Variants in ITGA10 observed in about 807,000 individuals in gnomAD.
The protein encoded by ITGA10 is integrin subunit alpha 10.
A neutral mutation model predicts 145.2 loss-of-function variants in ITGA10; 105 were observed. That is an observed-to-expected ratio of 0.72 (90% CI 0.62 to 0.85). The LOEUF (loss-of-function observed/expected upper bound fraction) is 0.85. Among genes scored for constraint, ITGA10 ranks in the 40% least tolerant of loss-of-function variants. ITGA10 has a pLI of 0.00. For synonymous variants in ITGA10, 506 were observed against 557.8 expected, an observed-to-expected ratio of 0.91 and a Z score of 1.31; for missense variants, 1,317 against 1,444.5, an observed-to-expected ratio of 0.91 and a Z score of 1.43.
At chr1:145,909,413 AAATAAT>A (rs772071305) in intron 1 of ITGA10, among the ~76,000 whole-genome samples, 5 of 139,934 alleles carry the variant, frequency 3.6e-5, no homozygotes, top group Admixed American at 2.1e-4. Context: ...TATCTTTAAA[AAATAAT>A]AATAATTATT....
Position 145,901,477 on chromosome 1 carries a change from T to C in ITGA10, c.1443+39A>G. 6.5e-7 allele frequency: 1 copy of C among 1,533,770 alleles called. No homozygotes were observed. The stretch of plus-strand genomic sequence containing the variant: ...TCCTCCCCAACAGCCCAGAGGTCCC[T>C]GGGAATCCAAAGGTCCCACCCTTCC... On this transcript the variant is annotated intron_variant, in intron 12 of 29. Coordinates refer to ENST00000369304, the MANE Select transcript of ITGA10 (RefSeq NM_003637.5). This position sits in a 1 kb window ranked among gnomAD's most constrained non-coding sequence, Gnocchi z 4.3.
intron 1 of ITGA10, among the ~76,000 whole-genome samples, chr1:145,909,538 AATT>A (rs1559218278): frequency 7.4e-6 from 1 of 134,960 alleles, no homozygotes; most frequent in Non-Finnish European, 1.5e-5. Flanking sequence ...TATAATATAT[AATT>A]ATGTTATATA....
rs922029572 is a variant in ITGA10, at chr1:145,909,968, A to C, written c.47T>G (p.Leu16Arg). ...AAGAAGTTAACTTCCCTCACCTGTC[A>C]GGAACACCAGGGGCAAGAACAGGTG... ...VTHLFLPLVF[L>R]TGLCSPFNLD... The change falls in exon 1 of 30, where the codon CTG becomes CGG. Residue 16 changes from leucine to arginine, a missense_variant. Physicochemically the swap from Leu to Arg is moderately radical, Grantham distance 102. Coordinates refer to ENST00000369304, the MANE Select transcript of ITGA10 (RefSeq NM_003637.5). 1 of 1,613,288 alleles carries C rather than the reference A, an allele frequency of 6.2e-7. No individual in the cohort carries two copies. The highest frequency in any genetic ancestry group is 8.5e-7 in the Non-Finnish European group (1 of 1,179,402).
chr1:145,903,943 C>G, intron 7 of ITGA10, 109 bp downstream of exon 7: 1 of 1,280,488 alleles, frequency 7.8e-7, no homozygotes, highest in South Asian at 1.3e-5. Flanking sequence ...CCTGCCTTGC[C>G]TCCCAAAGTG....
chr1:145,898,590 G>A (rs1311911116), intron 17 of ITGA10, among the ~76,000 whole-genome samples: 6 of 151,944 alleles, frequency 3.9e-5, no homozygotes, highest in Non-Finnish European at 7.4e-5. Context: ...GGATGGTCTC[G>A]ATCTCCTGAC....
intron 5 of ITGA10, chr1:145,906,178 C>T: frequency 4.2e-6 from 2 of 473,020 alleles, no homozygotes; most frequent in East Asian, 4.0e-5. Context: ...ATCTGCCCAC[C>T]TTGGCCTCCC....
rs1657209069 is a variant in ITGA10 at position 145,906,839 on chromosome 1, G to A, written c.275-15C>T. On this transcript the variant is annotated splice_polypyrimidine_tract_variant and intron_variant, in intron 3 of 29. Transcript: ENST00000369304. ...TTGGTAGTCACCTGGTTGGAAGGAG[G>A]TGGAAGAGAATGAGATCATGGGGTC... 6.3e-7 allele frequency: 1 copy of A among 1,581,714 alleles called. No individual in the cohort carries two copies. The highest frequency in any genetic ancestry group is 1.1e-5 in the South Asian group (1 of 90,102).
In ITGA10 at chr1:145,901,915, T is replaced by A. The variant is rs782753794; in HGVS notation, c.1256A>T (p.Glu419Val). ...ATGGTTCTGCAATGCAGGGGGGAAC[T>A]CGTCTTCCAGTGCCATTCGTGGGGG... is the stretch of plus-strand genomic sequence containing the variant. ...LFPPRMALEDEFPPALQNHAA... is the reference protein window; with the variant it reads ...LFPPRMALEDVFPPALQNHAA... The change falls in exon 11 of 30, where the codon GAG becomes GTG. Residue 419 changes from glutamate to valine, a missense_variant. Coordinates refer to ENST00000369304, the MANE Select transcript of ITGA10 (RefSeq NM_003637.5). The surrounding 1 kb of genome is among the most constrained non-coding windows in gnomAD (Gnocchi z 4.3). 5.0e-6 allele frequency: 8 copies of A among 1,614,136 alleles called. 1 individual carries two copies. In the Admixed American group the frequency reaches 1.0e-4, roughly 20 times the overall value.
rs1252042367 is a variant in ITGA10, at chr1:145,900,773, A to G, written c.1791+17T>C. The stretch of plus-strand genomic sequence containing the variant: ...CTTCCTACAACCGTGCCCCTGCTTT[A>G]TTTGGGTACTCCTGACCTGGGCAGG... On this transcript the variant is annotated intron_variant, in intron 14 of 29. Transcript: ENST00000369304. 3.7e-6 allele frequency: 6 copies of G among 1,612,974 alleles called. No homozygotes were observed. The African/African-American group carries it at 5.3e-5, about 14-fold the overall frequency.
rs1553748590 is a variant in ITGA10, at chr1:145,901,610, C to T, written c.1349G>A (p.Gly450Glu). ...LRGGRRLFLS[G>E]APRFRHRGKV... The stretch of plus-strand genomic sequence containing the variant: ...TCCTCGATGTCTAAATCGAGGAGCC[C>T]CAGAGAGAAACAGGCGGCGTCCACC... Residue 450 changes from glycine to glutamate, a missense_variant, in exon 12 of 30, where the codon GGG becomes GAG. By Grantham distance (98) the Gly-to-Glu change is moderately conservative (BLOSUM62 -2). Coordinates refer to ENST00000369304, the MANE Select transcript of ITGA10 (RefSeq NM_003637.5). This position sits in a 1 kb window ranked among gnomAD's most constrained non-coding sequence, Gnocchi z 4.3. The T allele has an allele frequency of 3.7e-6, 6 of 1,602,718 alleles. No homozygotes were observed. In the South Asian group the frequency reaches 5.6e-5, roughly 15 times the overall value.
Position 145,893,281 on chromosome 1 carries a change from GGACAGAA to G in ITGA10, c.3325-14_3325-8del. The G allele has an allele frequency of 1.3e-6, 2 of 1,593,808 alleles. No homozygotes were observed. Among genetic ancestry groups the G allele is most frequent in the Non-Finnish European group, 1.7e-6 (2 of 1,161,682 alleles). On this transcript the variant is annotated splice_polypyrimidine_tract_variant and splice_region_variant and intron_variant, in intron 28 of 29. Transcript: ENST00000369304. ...GAACCACCTCCAAGAGGCTCTGCGT[GGACAGAA>G]GAGTAGTTTTCTACATGCATCCTAT...
rs1408801220 is a variant in ITGA10 at position 145,901,612 on chromosome 1, A to G, written c.1347T>C (p.Ser449=). The G allele has an allele frequency of 6.2e-7, 1 of 1,601,034 alleles. No homozygotes were observed. Among genetic ancestry groups the G allele is most frequent in the African/African-American group, 1.3e-5 (1 of 74,172 alleles). ...LLRGGRRLFL[S]GAPRFRHRGK... ...CTCGATGTCTAAATCGAGGAGCCCC[A>G]GAGAGAAACAGGCGGCGTCCACCCC... The change falls in exon 12 of 30, where the codon TCT becomes TCC. Residue 449 remains serine (S), a synonymous_variant. Coordinates refer to ENST00000369304, the MANE Select transcript of ITGA10 (RefSeq NM_003637.5). The surrounding 1 kb of genome is among the most constrained non-coding windows in gnomAD (Gnocchi z 4.3).
chr1:145,893,393 G>A (rs376567110), intron 28 of ITGA10, 119 bp from the exon 29 acceptor site: 1 of 957,686 alleles, frequency 1.0e-6, no homozygotes, highest in Non-Finnish European at 1.7e-6. Context: ...TTAAAGGAAA[G>A]AAACTGAGGC....
chr1:145,900,301 C>T (rs1656095022), intron 14 of ITGA10, 114 bp from the exon 15 acceptor site: 5 of 1,214,764 alleles, frequency 4.1e-6, no homozygotes, highest in Admixed American at 2.6e-5. Flanking sequence ...GAGTTTCACT[C>T]TTGTTGCCCA....
chr1:145,907,496 A>C, intron 1 of ITGA10, 31 bp from the exon 2 acceptor site: 1 of 1,613,502 alleles, frequency 6.2e-7, no homozygotes, highest in Non-Finnish European at 8.5e-7. Context: ...TGTTAGTATG[A>C]GGTAGTGAAT....
chr1:145,902,947 C>G lies in ITGA10; in HGVS notation c.773G>C (p.Ser258Thr), dbSNP rs1389459510. The change falls in exon 8 of 30, where the codon AGT becomes ACT. Residue 258 changes from serine (S) to threonine (T), a missense_variant. Coordinates refer to ENST00000369304, the MANE Select transcript of ITGA10 (RefSeq NM_003637.5). ...CTCGGGTCGGCCCCCATGGGACTGACTGAACCCTTCTGTGCTGAGAAGAGA... is the reference window on the plus strand; with the variant it reads ...CTCGGGTCGGCCCCCATGGGACTGAGTGAACCCTTCTGTGCTGAGAAGAGA... ...AIMVACTEGF[S>T]QSHGGRPEAA... The G allele has an allele frequency of 6.2e-7, 1 of 1,604,272 alleles. No homozygotes were observed. Among genetic ancestry groups the G allele is most frequent in the Admixed American group, 1.7e-5 (1 of 58,492 alleles).
At chr1:145,904,508 G>A (rs1656837301) in intron 6 of ITGA10, among the ~76,000 whole-genome samples, 176 bp downstream of exon 6, 1 of 151,396 alleles carries the variant, frequency 6.6e-6, no homozygotes, top group Non-Finnish European at 1.5e-5. Context: ...AGCTGGGACT[G>A]TAGGCGCATG....
chr1:145,892,933 T>C (rs1293340344), intron 29 of ITGA10, 70 bp from the exon 30 acceptor site: 5 of 1,168,412 alleles, frequency 4.3e-6, no homozygotes, highest in Non-Finnish European at 6.4e-6. Context: ...CTCTCAGACT[T>C]ATCTGAGGTC....
At chr1:145,895,231 G>A (rs587769436) in intron 27 of ITGA10, 49 bp downstream of exon 27, 1 of 1,381,924 alleles carries the variant, frequency 7.2e-7, no homozygotes, top group Non-Finnish European at 1.0e-6. Context: ...CTATGCTAAA[G>A]TTCCAGAAAG....
Sources: allele counts gnomAD v4.1 joint callset (sites outside exome capture counted in the v4.1 genomes callset), GRCh38; gene constraint gnomAD v4.1.1; non-coding constraint Gnocchi (gnomAD v3.1); transcripts MANE v1.5; gene names NCBI Gene and HGNC (gene_info 2026-07-23, HGNC 2026-07-21).